The following PTPRK variants were observed in gnomAD, a reference collection of about 807,000 sequenced individuals.
PTPRK encodes receptor-type tyrosine-protein phosphatase kappa.
PTPRK carries 75 observed loss-of-function variants against 178.0 expected under a neutral mutation model. The observed-to-expected ratio is 0.42, with a 90% CI of 0.35 to 0.51. The LOEUF (loss-of-function observed/expected upper bound fraction) is 0.51, where lower values mean the gene tolerates loss of function less well. PTPRK is among the 20% of genes least tolerant of loss of function. The probability of loss-of-function intolerance (pLI) is 0.02; values close to 1 mark genes in which losing one functional copy is unlikely to be tolerated. For missense variants in PTPRK, 1,441 were observed against 1,797.8 expected, an observed-to-expected ratio of 0.80 and a Z score of 3.59; for synonymous variants, 637 against 620.6, an observed-to-expected ratio of 1.03 and a Z score of -0.39.
intron 5 of PTPRK, among the ~76,000 whole-genome samples, chr6:128,236,139 A>T (rs1358854705): frequency 1.3e-5 from 2 of 152,030 alleles, no homozygotes; most frequent in African/African-American, 2.4e-5. Context: ...TCCCCCAAGG[A>T]TAGGAGAACA....
chr6:128,185,520 A>T (rs1435511485), intron 6 of PTPRK, among the ~76,000 whole-genome samples: 1 of 152,154 alleles, frequency 6.6e-6, no homozygotes, highest in African/African-American at 2.4e-5. Context: ...TGAAGGACTC[A>T]ACAGCTATAG....
chr6:128,289,432 G>A (rs1376942776), intron 3 of PTPRK, among the ~76,000 whole-genome samples: 1 of 152,106 alleles, frequency 6.6e-6, no homozygotes, highest in East Asian at 1.9e-4. Context: ...TTAGTTCAAA[G>A]TATTGAAATA....
chr6:128,351,307 T>C (rs139204178), intron 2 of PTPRK, among the ~76,000 whole-genome samples: 61 of 152,274 alleles, frequency 4.0e-4, no homozygotes, highest in African/African-American at 1.4e-3. Context: ...GAGGTTAGTG[T>C]GTACTATGTG....
At chr6:128,419,454 T>C (rs901971601) in intron 1 of PTPRK, among the ~76,000 whole-genome samples, 5 of 4,244 alleles carry the variant, frequency 1.2e-3, no homozygotes. Context: ...CTACTAAAAA[T>C]ACAAAAAAAA....
At chr6:128,235,567 C>T in intron 5 of PTPRK, 1 of 510,436 alleles carries the variant, frequency 2.0e-6, no homozygotes, top group Middle Eastern at 3.2e-4. Flanking sequence ...GCACTTTGGG[C>T]AGTTGCAGTT....
intron 6 of PTPRK, among the ~76,000 whole-genome samples, chr6:128,188,755 G>GA (rs1367619144): frequency 1.3e-5 from 2 of 152,146 alleles, no homozygotes; most frequent in Admixed American, 1.3e-4. Context: ...GGCTCTAGGA[G>GA]AAAATCAGTT....
intron 3 of PTPRK, among the ~76,000 whole-genome samples, chr6:128,258,922 C>T (rs1817759661): frequency 6.6e-6 from 1 of 152,128 alleles, no homozygotes; most frequent in South Asian, 2.1e-4. Context: ...TAGCCAATAA[C>T]TGGATTTGGA....
Position 128,193,280 on chromosome 6 carries a change from G to GAAA in PTPRK, c.869-8558_869-8556dup, listed in dbSNP as rs778872277. Among the ~76,000 whole-genome samples, 386 of 57,354 alleles carry GAAA rather than the reference G, an allele frequency of 6.7e-3. 12 individuals carry two copies. Among genetic ancestry groups the GAAA allele is most frequent in the Admixed American group, 8.8e-3 (30 of 3,392 alleles). The allele number at this position is 57,354 out of a possible 152,430, so 37.6% of individuals were successfully genotyped here. ...GAATCAAATGATTTATCCAGCTTGT[G>GAAA]AAAAAAAAAAAAAAAAAAAAAAAAG... On this transcript the variant is annotated intron_variant, in intron 6 of 29. Coordinates refer to ENST00000368226, the MANE Select transcript of PTPRK (RefSeq NM_002844.4).
rs1244218129 is a variant in PTPRK at position 128,240,733 on chromosome 6, CTATTCCATTATAACCATAGTATAG to C, written c.578-607_578-584del. On this transcript the variant is annotated intron_variant, in intron 4 of 29. Coordinates refer to ENST00000368226, the MANE Select transcript of PTPRK (RefSeq NM_002844.4). ...CCAGCTAAACTGGTAAACTTTTTTTCTATTCCATTATAACCATAGTATAGTAATCCAAAATAAATACCCATATTA... is the reference window on the plus strand; with the variant it reads ...CCAGCTAAACTGGTAAACTTTTTTTCTAATCCAAAATAAATACCCATATTA... Among the ~76,000 whole-genome samples, 3 of 152,192 alleles carry C rather than the reference CTATTCCATTATAACCATAGTATAG, an allele frequency of 2.0e-5. No homozygotes were observed. The East Asian group carries it at 5.8e-4, about 29-fold the overall frequency.
At chr6:128,388,010 G>A (rs910549375) in intron 2 of PTPRK, among the ~76,000 whole-genome samples, 1 of 151,974 alleles carries the variant, frequency 6.6e-6, no homozygotes, top group Non-Finnish European at 1.5e-5. Flanking sequence ...TTTGTGTTGG[G>A]CCATATGCAA....
At chr6:128,175,435 G>A (rs901417160) in intron 7 of PTPRK, among the ~76,000 whole-genome samples, 4 of 151,804 alleles carry the variant, frequency 2.6e-5, no homozygotes, top group East Asian at 1.9e-4. Context: ...ATGGCCAATA[G>A]CGGGAGTTAG....
chr6:128,519,666 A>C lies in PTPRK; in HGVS notation c.100+593T>G, dbSNP rs532452732. Among the ~76,000 whole-genome samples, 9 of 152,126 alleles carry C rather than the reference A, an allele frequency of 5.9e-5. No individual in the cohort carries two copies. The highest frequency in any genetic ancestry group is 1.2e-4 in the Non-Finnish European group (8 of 68,016). ...GGCTCCGCCAACACACACACAGAACATGCTCCAAGCAGTGCCCGAGCGCAC... is the reference window on the plus strand; with the variant it reads ...GGCTCCGCCAACACACACACAGAACCTGCTCCAAGCAGTGCCCGAGCGCAC... On this transcript the variant is annotated intron_variant, in intron 1 of 29. Coordinates refer to ENST00000368226, the MANE Select transcript of PTPRK (RefSeq NM_002844.4). This position sits in a 1 kb window ranked among gnomAD's most constrained non-coding sequence, Gnocchi z 4.3.
intron 13 of PTPRK, among the ~76,000 whole-genome samples, chr6:128,028,166 C>G (rs895583850): frequency 2.0e-5 from 3 of 152,036 alleles, no homozygotes; most frequent in African/African-American, 7.2e-5. Context: ...AAAATTAAAA[C>G]ACATAAAAAT....
rs77972571 is a variant in PTPRK at position 127,995,818 on chromosome 6, A to G, written c.2768-280T>C. On this transcript the variant is annotated intron_variant, in intron 17 of 29. Coordinates refer to ENST00000368226, the MANE Select transcript of PTPRK (RefSeq NM_002844.4). ...AATCATTTGAGTCATAGAATTGTCT[A>G]CATAACTGAACTAGACTTAACTTCT... Among the ~76,000 whole-genome samples the G allele has an allele frequency of 1.5e-4, 23 of 152,230 alleles. No homozygotes were observed. In the East Asian group the frequency reaches 4.1e-3, roughly 27 times the overall value.
intron 13 of PTPRK, among the ~76,000 whole-genome samples, chr6:128,022,005 G>A (rs7751575): frequency 0.16 from 24,764 of 152,096 alleles, 5,962 homozygotes; most frequent in African/African-American, 0.53. Context: ...ACATACCAGC[G>A]CCTATCTTGA....
At chr6:128,285,742 A>G (rs946780541) in intron 3 of PTPRK, among the ~76,000 whole-genome samples, 1 of 152,038 alleles carries the variant, frequency 6.6e-6, no homozygotes, top group Non-Finnish European at 1.5e-5. Flanking sequence ...GAGGCTTGCA[A>G]TGAGCCTAGA....
intron 6 of PTPRK, among the ~76,000 whole-genome samples, chr6:128,190,380 T>C (rs1165039130): frequency 3.3e-5 from 5 of 151,944 alleles, no homozygotes; most frequent in African/African-American, 1.2e-4. Flanking sequence ...AATTTTTTAA[T>C]CTAAATTACT....
intron 7 of PTPRK, among the ~76,000 whole-genome samples, chr6:128,112,259 C>T (rs934240101): frequency 1.3e-5 from 2 of 151,962 alleles, no homozygotes; most frequent in East Asian, 3.8e-4. Flanking sequence ...TTGAATCACA[C>T]TGCAGAGAAA....
intron 6 of PTPRK, 104 bp downstream of exon 6, chr6:128,218,815 TGAC>T (rs1321820960): frequency 5.9e-6 from 6 of 1,009,026 alleles, no homozygotes. Flanking sequence ...TATAGTGACT[TGAC>T]ATCAGAAACA....
Sources: allele counts gnomAD v4.1 joint callset (sites outside exome capture counted in the v4.1 genomes callset), GRCh38; gene constraint gnomAD v4.1.1; non-coding constraint Gnocchi (gnomAD v3.1); transcripts MANE v1.5; gene names NCBI Gene and HGNC (gene_info 2026-07-23, HGNC 2026-07-21).